The following PIK3R1 variants were observed in gnomAD, a reference collection of about 807,000 sequenced individuals.
PIK3R1 encodes the protein phosphoinositide-3-kinase regulatory subunit 1, also known as phosphatidylinositol 3-kinase regulatory subunit alpha.
In PIK3R1, 29 loss-of-function variants were observed where a neutral mutation model predicts 98.0. The ratio of observed to expected loss-of-function variants is 0.30; its 90% CI spans 0.22 to 0.40. The LOEUF (loss-of-function observed/expected upper bound fraction) is 0.40, where lower values mean the gene tolerates loss of function less well. Ranked by LOEUF, PIK3R1 falls within the 10% of genes least tolerant of loss-of-function variation. The pLI is 1.00. For missense variants in PIK3R1, 596 were observed against 872.7 expected, an observed-to-expected ratio of 0.68 and a Z score of 3.99; for synonymous variants, 282 against 311.8, an observed-to-expected ratio of 0.90 and a Z score of 1.01.
At chr5:68,278,385 C>G (rs1470028081) in intron 4 of PIK3R1, among the ~76,000 whole-genome samples, 5 of 152,132 alleles carry the variant, frequency 3.3e-5, no homozygotes, top group African/African-American at 1.2e-4. Context: ...TAGTATCTTA[C>G]TGTTGAATCC....
At chr5:68,216,368 C>T (rs1248817444) in intron 1 of PIK3R1, among the ~76,000 whole-genome samples, 1 of 152,210 alleles carries the variant, frequency 6.6e-6, no homozygotes, top group African/African-American at 2.4e-5. Context: ...TGGCCGCTGC[C>T]TTCGTGTTGC....
At position 68,300,246 on chromosome 5, in the gene PIK3R1, G is replaced by A. The variant is rs993760401; in HGVS notation, c.*2645G>A. On this transcript the variant is annotated 3_prime_UTR_variant, in exon 16 of 16. Coordinates refer to ENST00000521381, the MANE Select transcript of PIK3R1 (RefSeq NM_181523.3). ...GGATTCATCATTCCATATGACTTGA[G>A]TTACACCAGACCTGTTCTGCCCAAT... The A allele has an allele frequency of 2.6e-5, 6 of 233,126 alleles. No individual in the cohort carries two copies. The highest frequency in any genetic ancestry group is 1.3e-3 in the Middle Eastern group (1 of 786). 14.4% of individuals were successfully genotyped at this position (233,126 alleles called of 1,614,324 possible).
In PIK3R1 at chr5:68,292,254, T is replaced by A. The variant is rs548421904; in HGVS notation, c.917-5T>A. 9 of 1,600,500 alleles carry A rather than the reference T, an allele frequency of 5.6e-6. No homozygotes were observed. The South Asian group carries it at 1.0e-4, about 18-fold the overall frequency. ...TGCGAACAACTTTTTCTTTTTCATC[T>A]GCAGCACTGCCTCCTAAACCACCAA... On this transcript the variant is annotated splice_region_variant and splice_polypyrimidine_tract_variant and intron_variant, in intron 7 of 15. Transcript: ENST00000521381.
chr5:68,278,243 C>T (rs1346096668), intron 4 of PIK3R1, among the ~76,000 whole-genome samples: 2 of 152,026 alleles, frequency 1.3e-5, no homozygotes, highest in Admixed American at 1.3e-4. Flanking sequence ...CAGGTATGCT[C>T]ATCTTATTTT....
rs58000959 is a variant in PIK3R1 at position 68,221,685 on chromosome 5, C to T, written c.-386-4605C>T. On this transcript the variant is annotated intron_variant, in intron 1 of 15. Transcript: ENST00000521381. ...TCAGAGAGGGCTTTTTTGTTTGGCT[C>T]TTTGCCAAAATGCCTATAGGTTAGA... 5.8e-3 allele frequency among the ~76,000 whole-genome samples: 877 copies of T among 152,290 alleles called. 7 individuals are homozygous for T. The highest frequency in any genetic ancestry group is 0.019 in the African/African-American group (775 of 41,554).
chr5:68,245,877 A>G (rs1745065448), intron 2 of PIK3R1, among the ~76,000 whole-genome samples: 1 of 152,214 alleles, frequency 6.6e-6, no homozygotes, highest in Non-Finnish European at 1.5e-5. Flanking sequence ...GGCTGTCCAA[A>G]GAAGAAATGA....
At position 68,293,929 on chromosome 5, in the gene PIK3R1, A is replaced by C. The variant is rs898547583; in HGVS notation, c.1425+95A>C. On this transcript the variant is annotated intron_variant, in intron 11 of 15. Transcript: ENST00000521381. The stretch of plus-strand genomic sequence containing the variant: ...GAATTTAAAAGGTTGAGTTTTTACG[A>C]ATGAGGTGGGGGTGAGAGCATTTAT... The C allele has an allele frequency of 5.2e-6, 5 of 962,718 alleles. No homozygotes were observed. In the African/African-American group the frequency reaches 8.6e-5, roughly 16 times the overall value. 59.6% of individuals were successfully genotyped at this position (962,718 alleles called of 1,614,324 possible).
At chr5:68,249,580 A>G (rs1345622847) in intron 2 of PIK3R1, among the ~76,000 whole-genome samples, 2 of 152,142 alleles carry the variant, frequency 1.3e-5, no homozygotes, top group South Asian at 2.1e-4. Flanking sequence ...TAACTAAACT[A>G]TTTCTTTCAC....
At chr5:68,239,483 C>T (rs919214075) in intron 2 of PIK3R1, among the ~76,000 whole-genome samples, 3 of 150,620 alleles carry the variant, frequency 2.0e-5, no homozygotes, top group Non-Finnish European at 4.4e-5. Context: ...AGGTACTGCA[C>T]TAACCTTTTA....
intron 2 of PIK3R1, chr5:68,239,922 C>T (rs993333376): frequency 7.4e-5 from 37 of 500,344 alleles, no homozygotes; most frequent in African/African-American, 3.1e-4. Flanking sequence ...TCATCAGAAC[C>T]GCAGGCTGGA....
At chr5:68,230,168 T>A (rs751493868) in intron 2 of PIK3R1, among the ~76,000 whole-genome samples, 2 of 152,226 alleles carry the variant, frequency 1.3e-5, no homozygotes, top group Non-Finnish European at 2.9e-5. Flanking sequence ...CTCAAATCTT[T>A]CGTCTCATGG....
At chr5:68,272,976 A>C (rs1223228178) in intron 2 of PIK3R1, among the ~76,000 whole-genome samples, 1 of 152,172 alleles carries the variant, frequency 6.6e-6, no homozygotes, top group Non-Finnish European at 1.5e-5. Context: ...ATCTGAATTC[A>C]GGTTCTTGGG....
At chr5:68,257,724 C>G (rs1375021812) in intron 2 of PIK3R1, among the ~76,000 whole-genome samples, 1 of 152,108 alleles carries the variant, frequency 6.6e-6, no homozygotes, top group Non-Finnish European at 1.5e-5. Flanking sequence ...TCCCTGTCCT[C>G]TCCTCATTGC....
chr5:68,264,415 A>T (rs1489380816), intron 2 of PIK3R1, among the ~76,000 whole-genome samples: 1 of 152,226 alleles, frequency 6.6e-6, no homozygotes, highest in Non-Finnish European at 1.5e-5. Context: ...TTGAAGTCCC[A>T]TCTGTTCTGT....
At chr5:68,294,406 T>C in intron 11 of PIK3R1, 130 bp from the exon 12 acceptor site, 3 of 555,104 alleles carry the variant, frequency 5.4e-6, no homozygotes, top group Non-Finnish European at 8.8e-6. Flanking sequence ...TCTGGGATAC[T>C]GTTTTAATGG....
intron 4 of PIK3R1, among the ~76,000 whole-genome samples, 155 bp from the exon 5 acceptor site, chr5:68,279,447 G>A (rs898276414): frequency 1.5e-4 from 23 of 152,040 alleles, no homozygotes; most frequent in African/African-American, 4.1e-4. Flanking sequence ...CAAGAAGTAC[G>A]GCTAACGAAT....
rs1286332858 is a variant in PIK3R1 at position 68,262,674 on chromosome 5, TACATGTATCTGCATGTATAC to T, written c.335-10708_335-10689del. On this transcript the variant is annotated intron_variant, in intron 2 of 15. Transcript: ENST00000521381. ...GTATCTGCATGTATACACATGTAGA[TACATGTATCTGCATGTATAC>T]ACATGTAGATGCATGTAGATGCATG... is the stretch of plus-strand genomic sequence containing the variant. Among the ~76,000 whole-genome samples the T allele has an allele frequency of 3.9e-4, 11 of 27,868 alleles. 1 individual carries two copies. The highest frequency in any genetic ancestry group is 1.1e-3 in the African/African-American group (7 of 6,648). 18.3% of individuals were successfully genotyped at this position (27,868 alleles called of 152,430 possible).
Position 68,293,816 on chromosome 5 carries a change from A to G in PIK3R1, c.1407A>G (p.Glu469=). 6.3e-7 allele frequency: 1 copy of G among 1,576,560 alleles called. No individual in the cohort carries two copies. Among genetic ancestry groups the G allele is most frequent in the South Asian group, 1.2e-5 (1 of 84,170 alleles). ...GAGAATATGATAGATTATATGAAGA[A>G]TATACCCGCACATCCCAGGTGAGTT... ...KSREYDRLYE[E]YTRTSQEIQM... Residue 469 remains glutamate (E), a synonymous_variant, in exon 11 of 16, where the codon GAA becomes GAG. Transcript: ENST00000521381.
At position 68,267,561 on chromosome 5, in the gene PIK3R1, A is replaced by G. The variant is rs73771040; in HGVS notation, c.335-5829A>G. On this transcript the variant is annotated intron_variant, in intron 2 of 15. Transcript: ENST00000521381. ...TCCCTCCTGCTAGTTATCTCTGAAA[A>G]TAATGTAGTTATGGCTGAAGATTTA... Among the ~76,000 whole-genome samples, 1,180 of 152,272 alleles carry G rather than the reference A, an allele frequency of 7.7e-3. 17 individuals carry two copies. Among genetic ancestry groups the G allele is most frequent in the African/African-American group, 0.027 (1,112 of 41,552 alleles).
Sources: gnomAD v4.1 joint callset for allele counts (sites outside exome capture counted in the v4.1 genomes callset) on GRCh38, gnomAD v4.1.1 for gene constraint, MANE v1.5 for transcripts, NCBI Gene and HGNC (gene_info 2026-07-23, HGNC 2026-07-21) for gene names.